Variants in TRPC4 observed in about 807,000 individuals in gnomAD.
TRPC4 encodes short transient receptor potential channel 4.
In TRPC4, 49 loss-of-function variants were observed where a neutral mutation model predicts 99.4. The ratio of observed to expected loss-of-function variants is 0.49; its 90% CI spans 0.39 to 0.63. The LOEUF (loss-of-function observed/expected upper bound fraction) is 0.63, where lower values mean the gene tolerates loss of function less well. Among genes scored for constraint, TRPC4 ranks in the 20% least tolerant of loss-of-function variants. TRPC4 has a pLI of 0.00. For missense variants in TRPC4, 898 were observed against 1,152.9 expected (o/e 0.78, Z 3.20); for synonymous variants, 454 against 425.9 (o/e 1.07, Z -0.81).
chr13:37,791,174 A>C (rs1957107757), intron 1 of TRPC4, among the ~76,000 whole-genome samples: 1 of 151,956 alleles, frequency 6.6e-6, no homozygotes, highest in African/African-American at 2.4e-5. Flanking sequence ...TGGGCAGATC[A>C]CAAGGTCAGG....
chr13:37,800,996 AC>A (rs1016228836), intron 1 of TRPC4, among the ~76,000 whole-genome samples: 5 of 152,072 alleles, frequency 3.3e-5, no homozygotes, highest in Admixed American at 2.6e-4. Flanking sequence ...CTAACAAATC[AC>A]CTAGACAATT....
chr13:37,775,660 C>G (rs976590920), intron 2 of TRPC4, among the ~76,000 whole-genome samples: 1 of 151,620 alleles, frequency 6.6e-6, no homozygotes, highest in Non-Finnish European at 1.5e-5. Context: ...TCCTGCCAAC[C>G]TAAAGAGACT....
chr13:37,815,084 G>T (rs968367152), intron 1 of TRPC4, among the ~76,000 whole-genome samples: 1 of 151,608 alleles, frequency 6.6e-6, no homozygotes, highest in African/African-American at 2.4e-5. Flanking sequence ...ATGGAAAAAA[G>T]ATCTTTCAAT....
rs1312928625 is a variant in TRPC4, at chr13:37,633,079, C to G, written c.*3824G>C. ...CCTGGGCTTTACTTTCCCCAGTTAT[C>G]TACAGTGAACTTATTTAACATGATT... On this transcript the variant is annotated 3_prime_UTR_variant, in exon 11 of 11. Transcript: ENST00000379705. Among the ~76,000 whole-genome samples, 2 of 152,070 alleles carry G rather than the reference C, an allele frequency of 1.3e-5. No homozygotes were observed. Among genetic ancestry groups the G allele is most frequent in the Non-Finnish European group, 2.9e-5 (2 of 68,016 alleles).
At chr13:37,745,420 TTA>T (rs1224395130) in intron 3 of TRPC4, among the ~76,000 whole-genome samples, 4 of 128,340 alleles carry the variant, frequency 3.1e-5, no homozygotes, top group Non-Finnish European at 3.2e-5. Flanking sequence ...GGCTGATTAT[TTA>T]TATATATATA....
chr13:37,779,703 C>A (rs1956790390), intron 2 of TRPC4, among the ~76,000 whole-genome samples: 1 of 151,954 alleles, frequency 6.6e-6, no homozygotes, highest in Non-Finnish European at 1.5e-5. Flanking sequence ...TCCCAGACCC[C>A]ATTCTTAAAT....
intron 3 of TRPC4, among the ~76,000 whole-genome samples, chr13:37,745,475 C>CGTATATAT (rs1566138437): frequency 1.3e-4 from 1 of 7,834 alleles, no homozygotes; most frequent in Non-Finnish European, 3.7e-4. Flanking sequence ...TATATATATA[C>CGTATATAT]ACACACACAC....
At chr13:37,694,089 A>AT (rs1486922439) in intron 3 of TRPC4, among the ~76,000 whole-genome samples, 13 of 152,206 alleles carry the variant, frequency 8.5e-5, no homozygotes, top group Non-Finnish European at 1.5e-5. Flanking sequence ...TAAGAGTTTT[A>AT]TTTTTTCCCC....
intron 1 of TRPC4, among the ~76,000 whole-genome samples, chr13:37,788,438 T>A (rs1023424363): frequency 3.9e-5 from 6 of 152,164 alleles, no homozygotes; most frequent in African/African-American, 1.4e-4. Context: ...TGGATAAATT[T>A]TATTTTTCTT....
chr13:37,810,211 A>T (rs539139753), intron 1 of TRPC4, among the ~76,000 whole-genome samples: 9 of 152,206 alleles, frequency 5.9e-5, no homozygotes, highest in Admixed American at 1.3e-4. Context: ...GTCTATTTTG[A>T]TAAAACCAAA....
chr13:37,753,370 A>G (rs986265540), intron 2 of TRPC4, among the ~76,000 whole-genome samples: 1 of 152,114 alleles, frequency 6.6e-6, no homozygotes, highest in Non-Finnish European at 1.5e-5. Flanking sequence ...TAGCCAGGAG[A>G]ATAATGGAAT....
At chr13:37,863,918 G>A (rs976639371) in intron 1 of TRPC4, among the ~76,000 whole-genome samples, 1 of 151,586 alleles carries the variant, frequency 6.6e-6, no homozygotes, top group African/African-American at 2.4e-5. Context: ...TACTAATTCT[G>A]TGAAAATAAA....
intron 1 of TRPC4, among the ~76,000 whole-genome samples, chr13:37,827,856 T>C (rs1373019420): frequency 3.6e-4 from 54 of 151,934 alleles, no homozygotes; most frequent in Non-Finnish European, 4.7e-4. Flanking sequence ...CAATGGCGGG[T>C]GCCCCTCCCC....
intron 7 of TRPC4, 122 bp from the exon 8 acceptor site, chr13:37,651,581 A>T: frequency 1.2e-6 from 1 of 839,210 alleles, no homozygotes; most frequent in Non-Finnish European, 1.9e-6. Flanking sequence ...ATTGCTTCTA[A>T]AACCACCACT....
chr13:37,762,272 C>T (rs1037253555), intron 2 of TRPC4, among the ~76,000 whole-genome samples: 1 of 151,840 alleles, frequency 6.6e-6, no homozygotes, highest in Non-Finnish European at 1.5e-5. Context: ...CTGTTGTTTC[C>T]TGACTTTTTG....
At chr13:37,800,319 T>C (rs916757951) in intron 1 of TRPC4, among the ~76,000 whole-genome samples, 7 of 152,182 alleles carry the variant, frequency 4.6e-5, no homozygotes, top group African/African-American at 1.7e-4. Flanking sequence ...TCCTCCTGCC[T>C]CAGCCTCCTG....
At position 37,814,051 on chromosome 13, in the gene TRPC4, A is replaced by G. The variant is rs547955310; in HGVS notation, c.-27-30691T>C. ...ACAGATGAAAAACCAATATAATACA[A>G]CAAATCAATACAATAAAAAAACCCA... On this transcript the variant is annotated intron_variant, in intron 1 of 10. Transcript: ENST00000379705. Among the ~76,000 whole-genome samples the G allele has an allele frequency of 7.9e-5, 12 of 152,018 alleles. No individual in the cohort carries two copies. In the East Asian group the frequency reaches 2.1e-3, roughly 27 times the overall value.
intron 1 of TRPC4, among the ~76,000 whole-genome samples, chr13:37,827,810 C>G (rs1958284691): frequency 6.6e-6 from 1 of 152,250 alleles, no homozygotes; most frequent in Non-Finnish European, 1.5e-5. Flanking sequence ...CCAGTTCCAG[C>G]TTCCCAGCTG....
chr13:37,727,460 C>T (rs1577006), intron 3 of TRPC4, among the ~76,000 whole-genome samples: 45,748 of 151,694 alleles, frequency 0.3, 7,984 homozygotes, highest in East Asian at 0.64. Flanking sequence ...TAAATACTTA[C>T]ATTAAAGAAC....
Sources: gnomAD v4.1 joint callset for allele counts (sites outside exome capture counted in the v4.1 genomes callset) on GRCh38, gnomAD v4.1.1 for gene constraint, MANE v1.5 for transcripts, NCBI Gene and HGNC (gene_info 2026-07-23, HGNC 2026-07-21) for gene names.